Variants in SEC23A observed in about 807,000 individuals in gnomAD.
The protein encoded by SEC23A is protein transport protein Sec23A.
A neutral mutation model predicts 103.7 loss-of-function variants in SEC23A; 56 were observed. That is an observed-to-expected ratio of 0.54 (90% CI 0.44 to 0.67). The LOEUF (loss-of-function observed/expected upper bound fraction) is 0.67, where lower values mean the gene tolerates loss of function less well. SEC23A is among the 30% of genes least tolerant of loss of function. The probability of loss-of-function intolerance (pLI) is 0.00; values close to 1 mark genes in which losing one functional copy is unlikely to be tolerated. For synonymous variants in SEC23A, 281 were observed against 293.0 expected (o/e 0.96, Z 0.42); for missense variants, 784 against 936.4 (o/e 0.84, Z 2.12).
intron 1 of SEC23A, among the ~76,000 whole-genome samples, chr14:39,100,524 C>T (rs1219413904): frequency 2.0e-5 from 3 of 152,024 alleles, no homozygotes; most frequent in Middle Eastern, 6.8e-3. Flanking sequence ...GCAATTCTCC[C>T]GCCTCAGCCT....
At chr14:39,089,303 G>A (rs2139283275) in intron 5 of SEC23A, among the ~76,000 whole-genome samples, 1 of 151,790 alleles carries the variant, frequency 6.6e-6, no homozygotes, top group East Asian at 1.9e-4. Flanking sequence ...ATTAATAGTA[G>A]CAAATGCTTA....
At chr14:39,071,132 G>C (rs948866950) in intron 9 of SEC23A, among the ~76,000 whole-genome samples, 1 of 152,148 alleles carries the variant, frequency 6.6e-6, no homozygotes, top group Non-Finnish European at 1.5e-5. Flanking sequence ...TTCCAGCCAG[G>C]GCAATTAGGC....
At chr14:39,047,889 A>G (rs1317843332) in intron 15 of SEC23A, among the ~76,000 whole-genome samples, 1 of 152,210 alleles carries the variant, frequency 6.6e-6, no homozygotes, top group Non-Finnish European at 1.5e-5. Flanking sequence ...GATAGATTCC[A>G]CTGCTCCAGG....
chr14:39,094,236 ATG>A lies in SEC23A; in HGVS notation c.222-994_222-993del, dbSNP rs1566514287. ...CATATATACACATACATATATATAT[ATG>A]CATATATACACATATACATATATAT... On this transcript the variant is annotated intron_variant, in intron 2 of 19. Coordinates refer to ENST00000307712, the MANE Select transcript of SEC23A (RefSeq NM_006364.4). Among the ~76,000 whole-genome samples the A allele has an allele frequency of 2.0e-5, 2 of 99,576 alleles. 1 individual carries two copies. The highest frequency in any genetic ancestry group is 4.6e-5 in the Non-Finnish European group (2 of 43,306). The allele number at this position is 99,576 out of a possible 152,430, so 65.3% of individuals were successfully genotyped here.
At chr14:39,073,721 T>C (rs544986058) in intron 9 of SEC23A, among the ~76,000 whole-genome samples, 1 of 146,576 alleles carries the variant, frequency 6.8e-6, no homozygotes, top group East Asian at 2.1e-4. Flanking sequence ...GCAATTCTCC[T>C]GCCTCAGCCT....
intron 7 of SEC23A, among the ~76,000 whole-genome samples, chr14:39,085,431 T>C (rs1887399260): frequency 6.6e-6 from 1 of 152,104 alleles, no homozygotes; most frequent in Non-Finnish European, 1.5e-5. Flanking sequence ...GAAGTATAGG[T>C]GACAACCTAC....
intron 7 of SEC23A, 87 bp from the exon 8 acceptor site, chr14:39,076,180 G>C: frequency 1.0e-6 from 1 of 991,516 alleles, no homozygotes; most frequent in Non-Finnish European, 1.5e-6. Flanking sequence ...TTCTAAATAA[G>C]AGAAAAGCAT....
At chr14:39,086,483 A>G (rs1172415330) in intron 6 of SEC23A, among the ~76,000 whole-genome samples, 1 of 152,008 alleles carries the variant, frequency 6.6e-6, no homozygotes, top group African/African-American at 2.4e-5. Flanking sequence ...TTAGCCAGGC[A>G]TGGTGGTGCA....
chr14:39,093,420 T>G (rs989372854), intron 2 of SEC23A, among the ~76,000 whole-genome samples, 176 bp from the exon 3 acceptor site: 1 of 152,206 alleles, frequency 6.6e-6, no homozygotes, highest in African/African-American at 2.4e-5. Context: ...ATTCACACTT[T>G]TAACATATAC....
intron 17 of SEC23A, among the ~76,000 whole-genome samples, chr14:39,041,600 T>C (rs1263251592): frequency 6.6e-6 from 1 of 151,936 alleles, no homozygotes; most frequent in Non-Finnish European, 1.5e-5. Context: ...TCGGGCGCGA[T>C]GGCTCACGCC....
At chr14:39,077,696 G>A (rs1404432685) in intron 7 of SEC23A, among the ~76,000 whole-genome samples, 3 of 152,096 alleles carry the variant, frequency 2.0e-5, no homozygotes, top group Non-Finnish European at 4.4e-5. Flanking sequence ...GAGAAAAGTT[G>A]TTTTAGGTGG....
At position 39,042,998 on chromosome 14, in the gene SEC23A, G is replaced by A. The variant is rs926475382; in HGVS notation, c.1900-126C>T. On this transcript the variant is annotated intron_variant, in intron 16 of 19. Coordinates refer to ENST00000307712, the MANE Select transcript of SEC23A (RefSeq NM_006364.4). The stretch of plus-strand genomic sequence containing the variant: ...TTATTTATTTATTTATTTTTTTGGA[G>A]AAGGGTCTTGCTCTGTCACCTAGGC... The A allele has an allele frequency of 6.3e-5, 42 of 661,770 alleles. 1 individual carries two copies. The South Asian group carries it at 8.0e-4, about 13-fold the overall frequency. The allele number at this position is 661,770 out of a possible 1,614,324, so 41.0% of individuals were successfully genotyped here. A position where few individuals can be genotyped will look rare whatever the true frequency, so the allele number is the denominator to read the frequency against.
Position 39,087,010 on chromosome 14 carries a change from T to A in SEC23A, c.604-2A>T. 7 of 1,494,534 alleles carry A rather than the reference T, an allele frequency of 4.7e-6. No individual in the cohort carries two copies. Among genetic ancestry groups the A allele is most frequent in the Non-Finnish European group, 6.5e-6 (7 of 1,070,718 alleles). 92.6% of individuals were successfully genotyped at this position (1,494,534 alleles called of 1,614,324 possible). A position where few individuals can be genotyped will look rare whatever the true frequency, so the allele number is the denominator to read the frequency against. ...TACTTTAGAGAGCCCCAGCATTTCC[T>A]GTAAAGAGATTACTTGTGCAATATT... On this transcript the variant is annotated splice_acceptor_variant, in intron 5 of 19. Coordinates refer to ENST00000307712, the MANE Select transcript of SEC23A (RefSeq NM_006364.4). LOFTEE classifies it high-confidence loss of function.
intron 2 of SEC23A, among the ~76,000 whole-genome samples, chr14:39,093,744 G>C (rs1295643063): frequency 6.6e-6 from 1 of 152,180 alleles, no homozygotes; most frequent in African/African-American, 2.4e-5. Context: ...CTAAGTGACA[G>C]AGTGAAACCA....
chr14:39,100,577 T>C (rs1367848939), intron 1 of SEC23A, among the ~76,000 whole-genome samples: 2 of 151,842 alleles, frequency 1.3e-5, no homozygotes, highest in Admixed American at 1.3e-4. Context: ...CACACCTGGC[T>C]AATTTTTGTA....
chr14:39,062,698 T>C (rs1886517955), intron 12 of SEC23A, among the ~76,000 whole-genome samples: 1 of 152,158 alleles, frequency 6.6e-6, no homozygotes, highest in Non-Finnish European at 1.5e-5. Context: ...TAAGAGTCAA[T>C]ATATTTCTTA....
At chr14:39,090,775 G>T (rs1032818662) in intron 5 of SEC23A, 1 of 164,562 alleles carries the variant, frequency 6.1e-6, no homozygotes, top group African/African-American at 2.4e-5. Flanking sequence ...TCCATCTCAA[G>T]TTCTTCTGTA....
chr14:39,065,641 C>T (rs1372961988), intron 10 of SEC23A, among the ~76,000 whole-genome samples: 2 of 152,146 alleles, frequency 1.3e-5, no homozygotes, highest in African/African-American at 2.4e-5. Context: ...TGCTGATTCT[C>T]ACCTCTATGC....
intron 19 of SEC23A, among the ~76,000 whole-genome samples, chr14:39,036,828 C>T (rs1307817095): frequency 1.3e-5 from 2 of 151,780 alleles, no homozygotes; most frequent in Non-Finnish European, 2.9e-5. Context: ...ATACTTTCGA[C>T]CTCCGCTTCT....
Sources: gnomAD v4.1 joint callset for allele counts (sites outside exome capture counted in the v4.1 genomes callset) on GRCh38, gnomAD v4.1.1 for gene constraint, MANE v1.5 for transcripts, NCBI Gene and HGNC (gene_info 2026-07-23, HGNC 2026-07-21) for gene names.